FOXN3: variants seen among roughly 807,000 people sequenced by gnomAD.
The protein encoded by FOXN3 is forkhead box N3.
A neutral mutation model predicts 38.4 loss-of-function variants in FOXN3; 7 were observed. That is an observed-to-expected ratio of 0.18 (90% CI 0.10 to 0.34). The LOEUF (loss-of-function observed/expected upper bound fraction) is 0.34. FOXN3 is among the 10% of genes least tolerant of loss of function. The pLI is 1.00. For missense variants in FOXN3, 456 were observed against 613.4 expected (o/e 0.74, Z 2.71); for synonymous variants, 230 against 242.2 (o/e 0.95, Z 0.47).
At chr14:89,491,490 A>T (rs550074463) in intron 1 of FOXN3, among the ~76,000 whole-genome samples, 1 of 152,310 alleles carries the variant, frequency 6.6e-6, no homozygotes, top group African/African-American at 2.4e-5. Context: ...ATGTGCTTTC[A>T]AGTATGGTCA....
At chr14:89,196,579 G>A (rs1258038443) in intron 4 of FOXN3, among the ~76,000 whole-genome samples, 2 of 152,078 alleles carry the variant, frequency 1.3e-5, no homozygotes, top group Non-Finnish European at 2.9e-5. Flanking sequence ...CCAGAGCTAC[G>A]GATTCCAAGG....
chr14:89,490,473 C>T (rs542454941), intron 1 of FOXN3, among the ~76,000 whole-genome samples: 57 of 152,314 alleles, frequency 3.7e-4, no homozygotes, highest in African/African-American at 1.3e-3. Context: ...GAGGTATTGT[C>T]GGCTAAGCTA....
intron 3 of FOXN3, among the ~76,000 whole-genome samples, chr14:89,284,045 G>A (rs925439454): frequency 2.0e-5 from 3 of 152,112 alleles, no homozygotes; most frequent in African/African-American, 4.8e-5. Flanking sequence ...ATTTTTAGGA[G>A]AGACAGGGTT....
At chr14:89,533,661 CAAAAAAAAAAAAAAAA>C (rs34194637) in intron 1 of FOXN3, among the ~76,000 whole-genome samples, 9 of 65,936 alleles carry the variant, frequency 1.4e-4, no homozygotes, top group South Asian at 8.7e-4. Context: ...GACTCTGTCT[CAAAAAAAAAAAAAAAA>C]AAAAAAAAAA....
At chr14:89,529,653 G>T (rs1894513353) in intron 1 of FOXN3, among the ~76,000 whole-genome samples, 1 of 152,152 alleles carries the variant, frequency 6.6e-6, no homozygotes, top group African/African-American at 2.4e-5. Context: ...CAGGAAGGGG[G>T]CATTTTTGGT....
intron 4 of FOXN3, among the ~76,000 whole-genome samples, chr14:89,188,110 C>T (rs1184570184): frequency 6.6e-6 from 1 of 152,144 alleles, no homozygotes; most frequent in Non-Finnish European, 1.5e-5. Flanking sequence ...CTGGATTTCT[C>T]ACACAGCGGT....
intron 4 of FOXN3, among the ~76,000 whole-genome samples, chr14:89,264,375 C>T (rs929910227): frequency 6.6e-6 from 1 of 152,120 alleles, no homozygotes; most frequent in Non-Finnish European, 1.5e-5. Context: ...CCTTATAAAA[C>T]CATCAGATCT....
At chr14:89,389,395 A>T (rs1006762791) in intron 2 of FOXN3, among the ~76,000 whole-genome samples, 2 of 152,084 alleles carry the variant, frequency 1.3e-5, no homozygotes, top group African/African-American at 4.8e-5. Flanking sequence ...TTTCATGAAC[A>T]CCCTTTCATT....
intron 4 of FOXN3, among the ~76,000 whole-genome samples, chr14:89,259,834 A>G (rs966985309): frequency 1.6e-4 from 25 of 152,210 alleles, no homozygotes; most frequent in Admixed American, 1.0e-3. Flanking sequence ...CTGGAGGCCT[A>G]TCTGAACTGC....
intron 3 of FOXN3, among the ~76,000 whole-genome samples, chr14:89,345,362 A>C (rs1383065083): frequency 3.3e-5 from 5 of 152,114 alleles, no homozygotes; most frequent in African/African-American, 1.2e-4. Context: ...GCTTTAAAAA[A>C]AAAAAAAAGG....
At chr14:89,380,050 G>A (rs954032074) in intron 2 of FOXN3, among the ~76,000 whole-genome samples, 1 of 152,194 alleles carries the variant, frequency 6.6e-6, no homozygotes, top group Non-Finnish European at 1.5e-5. Context: ...CCTTGTTAAA[G>A]TCTGATATGA....
intron 4 of FOXN3, among the ~76,000 whole-genome samples, chr14:89,213,748 C>T (rs867598141): frequency 2.6e-5 from 4 of 152,294 alleles, no homozygotes; most frequent in Middle Eastern, 3.4e-3. Context: ...TCCCATTTGT[C>T]CTGGGGGAGG....
chr14:89,299,414 A>G (rs569587626), intron 3 of FOXN3, among the ~76,000 whole-genome samples: 40 of 152,296 alleles, frequency 2.6e-4, no homozygotes, highest in Non-Finnish European at 4.4e-4. Flanking sequence ...TTCCTTTACA[A>G]ATTATCCAGT....
At chr14:89,521,968 C>A (rs1894327812) in intron 1 of FOXN3, among the ~76,000 whole-genome samples, 1 of 150,288 alleles carries the variant, frequency 6.7e-6, no homozygotes, top group South Asian at 2.1e-4. Flanking sequence ...TTTAGAGAAC[C>A]ATGATCACAC....
chr14:89,309,915 GC>G (rs1887481157), intron 3 of FOXN3, among the ~76,000 whole-genome samples: 1 of 152,236 alleles, frequency 6.6e-6, no homozygotes, highest in African/African-American at 2.4e-5. Context: ...CCAAGACTGG[GC>G]AAGCCCAGAT....
At chr14:89,598,877 T>C (rs1654458417) in intron 1 of FOXN3, among the ~76,000 whole-genome samples, 1 of 152,236 alleles carries the variant, frequency 6.6e-6, no homozygotes, top group South Asian at 2.1e-4. Flanking sequence ...AATTTTACTA[T>C]GTTGAATCTT....
chr14:89,295,762 A>ATTTTTTTTTTTTTTTTTTTTTTT (rs1032063820), intron 3 of FOXN3, among the ~76,000 whole-genome samples: 1 of 123,224 alleles, frequency 8.1e-6, no homozygotes, highest in Non-Finnish European at 1.7e-5. Context: ...TAATTTTTGC[A>ATTTTTTTTTTTTTTTTTTTTTTT]TTTTTTTTTT....
rs149364423 is a variant in FOXN3, at chr14:89,306,297, A to AAC, written c.681-25285_681-25284dup. ...GGGAGCTGAAGAAACAGAAAAGCTC[A>AAC]ACACACACACACACACTCACAGACA... is the stretch of plus-strand genomic sequence containing the variant. On this transcript the variant is annotated intron_variant, in intron 3 of 5. Transcript: ENST00000557258. 4.2e-3 allele frequency among the ~76,000 whole-genome samples: 629 copies of AAC among 150,706 alleles called. 5 individuals carry two copies. Among genetic ancestry groups the AAC allele is most frequent in the African/African-American group, 0.014 (588 of 41,054 alleles).
chr14:89,447,908 C>T (rs1344808816), intron 1 of FOXN3, among the ~76,000 whole-genome samples: 2 of 150,708 alleles, frequency 1.3e-5, no homozygotes, highest in Non-Finnish European at 2.9e-5. Flanking sequence ...ACCTCCGCCT[C>T]CCAGGTTCAA....
Sources: gnomAD v4.1 joint callset for allele counts (sites outside exome capture counted in the v4.1 genomes callset) on GRCh38, gnomAD v4.1.1 for gene constraint, MANE v1.5 for transcripts, NCBI Gene and HGNC (gene_info 2026-07-23, HGNC 2026-07-21) for gene names.